The following MADCAM1 variants were observed in gnomAD, a reference collection of about 807,000 sequenced individuals.
MADCAM1 encodes mucosal addressin cell adhesion molecule 1.
In MADCAM1, 19 loss-of-function variants were observed where a neutral mutation model predicts 26.1. The observed-to-expected ratio is 0.73, with a 90% CI of 0.51 to 1.07. MADCAM1 has a LOEUF of 1.07. MADCAM1 is among the 50% of genes least tolerant of loss of function. The pLI is 0.00. For missense variants in MADCAM1, 514 were observed against 542.1 expected (o/e 0.95, Z 0.51); for synonymous variants, 268 against 260.9 (o/e 1.03, Z -0.26).
chr19:497,679 G>C, intron 1 of MADCAM1, 154 bp from the exon 2 acceptor site: 1 of 552,732 alleles, frequency 1.8e-6, no homozygotes, highest in Non-Finnish European at 2.7e-6. Context: ...CTGGGAGTCC[G>C]GGTAGCGGCG....
chr19:498,634 AG>A lies in MADCAM1; in HGVS notation c.481del (p.Ala161ArgfsTer25), dbSNP rs1361756050. On this transcript the variant is annotated frameshift_variant, in exon 3 of 5. Coordinates refer to ENST00000215637, the MANE Select transcript of MADCAM1 (RefSeq NM_130760.3). LOFTEE classifies it high-confidence loss of function. ...CTGCTCGTCGGGGGCCAGGAACTGG[AG>A]GGGGCGCAAGCCCTGGGCCCGGAGG... ...FSLLVGGQELEGAQALGPEVQ... is the reference protein window; with the variant it reads ...FSLLVGGQELXGAQALGPEVQ... The A allele has an allele frequency of 6.8e-7, 1 of 1,466,944 alleles. No homozygotes were observed. The highest frequency in any genetic ancestry group is 9.0e-7 in the Non-Finnish European group (1 of 1,114,862). The allele number at this position is 1,466,944 out of a possible 1,614,324, so 90.9% of individuals were successfully genotyped here.
Position 498,509 on chromosome 19 carries a change from G to C in MADCAM1, c.351G>C (p.Gln117His), listed in dbSNP as rs757807645. 3.4e-6 allele frequency: 5 copies of C among 1,465,552 alleles called. No homozygotes were observed. Among genetic ancestry groups the C allele is most frequent in the South Asian group, 1.5e-5 (1 of 66,738 alleles). 90.8% of individuals were successfully genotyped at this position (1,465,552 alleles called of 1,614,324 possible). The change falls in exon 3 of 5, where the codon CAG (glutamine) becomes CAC (histidine). Residue 117 changes from glutamine to histidine, a missense_variant. Gln to His is a conservative substitution (Grantham distance 24, BLOSUM62 0). Coordinates refer to ENST00000215637, the MANE Select transcript of MADCAM1 (RefSeq NM_130760.3). The part of the protein sequence containing the change: ...VQLLVYAFPD[Q>H]LTVSPAALVP... ...CCTCCATCACAGCCTTCCCGGACCAGCTGACCGTCTCCCCAGCAGCCCTGG... is the reference window on the plus strand; with the variant it reads ...CCTCCATCACAGCCTTCCCGGACCACCTGACCGTCTCCCCAGCAGCCCTGG...
chr19:498,515 C>T lies in MADCAM1; in HGVS notation c.357C>T (p.Thr119=), dbSNP rs750806172. ...LLVYAFPDQL[T]VSPAALVPGD... ...TCACAGCCTTCCCGGACCAGCTGAC[C>T]GTCTCCCCAGCAGCCCTGGTGCCTG... Residue 119 remains threonine, a synonymous_variant, in exon 3 of 5, where the codon ACC becomes ACT. Transcript: ENST00000215637. The T allele has an allele frequency of 5.5e-6, 8 of 1,466,682 alleles. No individual in the cohort carries two copies. Among genetic ancestry groups the T allele is most frequent in the South Asian group, 1.5e-5 (1 of 66,906 alleles). The allele number at this position is 1,466,682 out of a possible 1,614,324, so 90.9% of individuals were successfully genotyped here.
rs540479094 is a variant in MADCAM1 at position 499,436 on chromosome 19, G to A, written c.667+611G>A. 16 of 448,894 alleles carry A rather than the reference G, an allele frequency of 3.6e-5. 1 individual carries two copies. The highest frequency in any genetic ancestry group is 2.1e-4 in the East Asian group (3 of 14,240). The allele number at this position is 448,894 out of a possible 1,614,324, so 27.8% of individuals were successfully genotyped here. On this transcript the variant is annotated intron_variant, in intron 3 of 4. Transcript: ENST00000215637. ...CATGTACAAACACAGACACACACAC[G>A]CGTGCACACAGGCACACACGCACAC...
intron 4 of MADCAM1, among the ~76,000 whole-genome samples, chr19:503,385 T>G (rs12610511): frequency 3.1e-4 from 47 of 150,004 alleles, no homozygotes; most frequent in Admixed American, 4.7e-4. Flanking sequence ...ATCGAGACCA[T>G]CCTGGCTAAC....
intron 3 of MADCAM1, chr19:499,989 T>TGGTGGG: frequency 4.7e-6 from 1 of 212,404 alleles, no homozygotes; most frequent in Admixed American, 4.4e-5. Flanking sequence ...GAGGTCTTTG[T>TGGTGGG]GGTGGGGGTG....
chr19:501,962 G>T, intron 4 of MADCAM1, 33 bp downstream of exon 4: 1 of 1,413,180 alleles, frequency 7.1e-7, no homozygotes, highest in Non-Finnish European at 9.4e-7. Flanking sequence ...AGGGAGGGTG[G>T]GAAGGGCTGA....
intron 1 of MADCAM1, among the ~76,000 whole-genome samples, 153 bp downstream of exon 1, chr19:496,704 T>A (rs1208687651): frequency 4.1e-3 from 2 of 492 alleles, no homozygotes; most frequent in African/African-American, 0.02. Flanking sequence ...CTCAGTAGAG[T>A]GGGGGGGCTC....
At chr19:503,354 G>A (rs1442917394) in intron 4 of MADCAM1, among the ~76,000 whole-genome samples, 4 of 151,464 alleles carry the variant, frequency 2.6e-5, no homozygotes, top group South Asian at 2.1e-4. Flanking sequence ...GGCCAAGGCG[G>A]GCGGATCACG....
chr19:498,181 C>A, intron 2 of MADCAM1, 64 bp downstream of exon 2: 1 of 1,290,030 alleles, frequency 7.8e-7, no homozygotes, highest in Non-Finnish European at 9.9e-7. Context: ...CCCTATGCCA[C>A]CTCTTCCTGG....
chr19:498,884 G>T (rs1028785578), intron 3 of MADCAM1, 59 bp downstream of exon 3: 4 of 1,504,486 alleles, frequency 2.7e-6, no homozygotes, highest in East Asian at 2.5e-5. Flanking sequence ...AAGCACTTCG[G>T]GACGGGGTGG....
Position 501,921 on chromosome 19 carries a change from C to T in MADCAM1, c.920C>T (p.Pro307Leu). The T allele has an allele frequency of 7.1e-7, 1 of 1,399,306 alleles. No homozygotes were observed. Among genetic ancestry groups the T allele is most frequent in the Non-Finnish European group, 9.6e-7 (1 of 1,047,096 alleles). The allele number at this position is 1,399,306 out of a possible 1,614,324, so 86.7% of individuals were successfully genotyped here. ...QAGPTQGEVI[P>L]TGSSKPAGDQ... ...GGGCCCACGCAGGGAGAAGTGATCC[C>T]AACAGGCTGTGAGTTCTGGTCCCTG... Residue 307 changes from proline to leucine, a missense_variant, in exon 4 of 5, where the codon CCA becomes CTA. This residue lies in a region of MADCAM1 where 152 missense variants were observed against 136.7 expected (regional missense o/e 1.11). Transcript: ENST00000215637.
intron 4 of MADCAM1, among the ~76,000 whole-genome samples, chr19:503,566 A>AGAG: frequency 7.1e-6 from 1 of 140,248 alleles, no homozygotes; most frequent in Non-Finnish European, 1.5e-5. Flanking sequence ...GGGAGACAGC[A>AGAG]AGACTCCGTC....
chr19:500,079 ATC>A, intron 3 of MADCAM1: 1 of 455,918 alleles, frequency 2.2e-6, no homozygotes, highest in Non-Finnish European at 4.4e-6. Flanking sequence ...CAGTCTCCCC[ATC>A]AGTCCCACAG....
Position 498,487 on chromosome 19 carries a change from C to T in MADCAM1, c.338-9C>T. 1 of 1,461,376 alleles carries T rather than the reference C, an allele frequency of 6.8e-7. No individual in the cohort carries two copies. The highest frequency in any genetic ancestry group is 9.0e-7 in the Non-Finnish European group (1 of 1,111,982). 90.5% of individuals were successfully genotyped at this position (1,461,376 alleles called of 1,614,324 possible). On this transcript the variant is annotated splice_polypyrimidine_tract_variant and intron_variant, in intron 2 of 4. Transcript: ENST00000215637. ...GGGCTCAGCCCTCACCCCCGACCCT[C>T]CATCACAGCCTTCCCGGACCAGCTG...
rs1453973227 is a variant in MADCAM1, at chr19:498,104, G to A, written c.324G>A (p.Gln108=). The change falls in exon 2 of 5, where the codon CAG becomes CAA. Residue 108 remains glutamine (Q), a synonymous_variant. Coordinates refer to ENST00000215637, the MANE Select transcript of MADCAM1 (RefSeq NM_130760.3). ...CGGRTFQHTV[Q]LLVYAFPDQL... is the part of the protein sequence containing the mutation. Reference sequence around the variant, plus strand: ...GCCGCACCTTCCAGCACACCGTGCAGCTCCTTGTGTACGGTGAGGCGTCCC... The same window carrying A: ...GCCGCACCTTCCAGCACACCGTGCAACTCCTTGTGTACGGTGAGGCGTCCC... The A allele has an allele frequency of 7.3e-7, 1 of 1,376,780 alleles. No homozygotes were observed. Among genetic ancestry groups the A allele is most frequent in the Non-Finnish European group, 9.4e-7 (1 of 1,066,282 alleles). 85.3% of individuals were successfully genotyped at this position (1,376,780 alleles called of 1,614,324 possible).
rs745478436 is a variant in MADCAM1 at position 504,852 on chromosome 19, C to A, written c.1036C>A (p.Arg346=). The change falls in exon 5 of 5, where the codon CGG becomes AGG. Residue 346 remains arginine, a synonymous_variant. Coordinates refer to ENST00000215637, the MANE Select transcript of MADCAM1 (RefSeq NM_130760.3). Reference sequence around the variant, plus strand: ...CACCTATCACCTCTGGAAACGCTGCCGGCACCTGGCTGAGGACGACACCCA... The same window carrying A: ...CACCTATCACCTCTGGAAACGCTGCAGGCACCTGGCTGAGGACGACACCCA... ...LPTYHLWKRC[R]HLAEDDTHPP... is the part of the protein sequence containing the mutation. The A allele has an allele frequency of 1.2e-6, 2 of 1,612,888 alleles. No homozygotes were observed. The highest frequency in any genetic ancestry group is 2.7e-5 in the African/African-American group (2 of 74,930).
At chr19:504,119 T>A (rs1239367735) in intron 4 of MADCAM1, among the ~76,000 whole-genome samples, 3 of 152,076 alleles carry the variant, frequency 2.0e-5, no homozygotes, top group Non-Finnish European at 4.4e-5. Flanking sequence ...CATTATCATT[T>A]CAACAGGTAA....
At chr19:496,667 G>T in intron 1 of MADCAM1, 116 bp downstream of exon 1, 1 of 445,846 alleles carries the variant, frequency 2.2e-6, no homozygotes, top group Non-Finnish European at 3.0e-6. Flanking sequence ...CCGGGAGAGA[G>T]GAGGGGGCCC....
Sources: allele counts gnomAD v4.1 joint callset (sites outside exome capture counted in the v4.1 genomes callset), GRCh38; gene constraint gnomAD v4.1.1; regional missense constraint gnomAD v4.1.1; transcripts MANE v1.5; gene names NCBI Gene and HGNC (gene_info 2026-07-23, HGNC 2026-07-21).